The following CSMD3 variants were observed in gnomAD, a reference collection of about 807,000 sequenced individuals.
The protein encoded by CSMD3 is CUB and sushi domain-containing protein 3.
Under a neutral mutation model 435.2 loss-of-function variants are expected in CSMD3, and 177 were observed. The observed-to-expected ratio is 0.41, with a 90% CI of 0.36 to 0.46. CSMD3 has a LOEUF of 0.46. Among genes scored for constraint, CSMD3 ranks in the 20% least tolerant of loss-of-function variants. The probability of loss-of-function intolerance (pLI) is 0.34; values close to 1 mark genes in which losing one functional copy is unlikely to be tolerated. For synonymous variants in CSMD3, 1,656 were observed against 1,520.5 expected (o/e 1.09, Z -2.07); for missense variants, 4,265 against 4,504.6 (o/e 0.95, Z 1.52).
chr8:112,746,780 T>G (rs1220294957), intron 13 of CSMD3, among the ~76,000 whole-genome samples: 18 of 152,170 alleles, frequency 1.2e-4, no homozygotes, highest in Non-Finnish European at 4.4e-5. Flanking sequence ...AGCATTTGTA[T>G]CTGACAATAT....
rs569098411 is a variant in CSMD3 at position 112,533,875 on chromosome 8, A to C, written c.4565-16650T>G. 1.4e-3 allele frequency among the ~76,000 whole-genome samples: 215 copies of C among 152,236 alleles called. 1 individual carries two copies. The highest frequency in any genetic ancestry group is 5.1e-3 in the African/African-American group (210 of 41,564). On this transcript the variant is annotated intron_variant, in intron 27 of 70. Coordinates refer to ENST00000297405, the MANE Select transcript of CSMD3 (RefSeq NM_198123.2). ...GAGATAGAGCATAGGTTATGCCACA[A>C]AACAAGTCTTGACAAATTCCACAAT...
chr8:113,175,885 T>C (rs1372219350), intron 3 of CSMD3, among the ~76,000 whole-genome samples: 3 of 152,020 alleles, frequency 2.0e-5, no homozygotes, highest in African/African-American at 7.2e-5. Context: ...AGAAAAGTGG[T>C]TTCCAAATTA....
At chr8:112,904,393 T>C (rs575711958) in intron 10 of CSMD3, among the ~76,000 whole-genome samples, 3 of 151,560 alleles carry the variant, frequency 2.0e-5, no homozygotes, top group South Asian at 4.1e-4. Flanking sequence ...GACAAATACA[T>C]ACAATTTTGT....
intron 1 of CSMD3, among the ~76,000 whole-genome samples, chr8:113,372,621 C>G (rs1247572386): frequency 6.6e-6 from 1 of 152,090 alleles, no homozygotes; most frequent in South Asian, 2.1e-4. Context: ...TTATTTTATA[C>G]CATTCCAAAA....
At chr8:113,302,600 T>A (rs1192844535) in intron 2 of CSMD3, among the ~76,000 whole-genome samples, 1 of 151,966 alleles carries the variant, frequency 6.6e-6, no homozygotes, top group Admixed American at 6.6e-5. Flanking sequence ...AACATTAATA[T>A]GCTTTCTGTA....
At position 112,289,362 on chromosome 8, in the gene CSMD3, T is replaced by C. The variant is rs561006640; in HGVS notation, c.9148+3A>G. 4 of 1,612,308 alleles carry C rather than the reference T, an allele frequency of 2.5e-6. No homozygotes were observed. The highest frequency in any genetic ancestry group is 2.2e-5 in the South Asian group (2 of 91,044). On this transcript the variant is annotated splice_donor_region_variant and intron_variant, in intron 57 of 70. Coordinates refer to ENST00000297405, the MANE Select transcript of CSMD3 (RefSeq NM_198123.2). ...ACATATTGTCCAATTTTCCAAGTGG[T>C]ACCTGAACAATGAGGTTGTGATCCA...
At chr8:112,973,945 T>C (rs1204648739) in intron 7 of CSMD3, among the ~76,000 whole-genome samples, 2 of 151,904 alleles carry the variant, frequency 1.3e-5, no homozygotes, top group Non-Finnish European at 2.9e-5. Context: ...ATGTTTTACA[T>C]CTACTTTGAA....
chr8:112,840,083 G>A (rs972415110), intron 11 of CSMD3, among the ~76,000 whole-genome samples: 4 of 151,644 alleles, frequency 2.6e-5, no homozygotes, highest in Non-Finnish European at 5.9e-5. Flanking sequence ...TCCTGGACAA[G>A]CAACTTAGGC....
intron 3 of CSMD3, among the ~76,000 whole-genome samples, chr8:113,261,689 C>T (rs2093428812): frequency 1.3e-5 from 2 of 152,158 alleles, no homozygotes; most frequent in South Asian, 4.1e-4. Context: ...TTCTTCAGTG[C>T]AAACACATTT....
At chr8:113,229,603 T>C (rs1032159153) in intron 3 of CSMD3, among the ~76,000 whole-genome samples, 14 of 151,684 alleles carry the variant, frequency 9.2e-5, no homozygotes, top group African/African-American at 3.4e-4. Flanking sequence ...GCTCACAGTT[T>C]ATAAAATCGT....
intron 22 of CSMD3, among the ~76,000 whole-genome samples, chr8:112,607,878 C>T (rs564505553): frequency 1.3e-5 from 2 of 152,030 alleles, no homozygotes; most frequent in African/African-American, 4.8e-5. Context: ...AAAAGCTTGC[C>T]CAACAAGATT....
intron 5 of CSMD3, among the ~76,000 whole-genome samples, chr8:113,035,598 CATA>C (rs1263146344): frequency 2.6e-5 from 4 of 151,782 alleles, no homozygotes; most frequent in Non-Finnish European, 5.9e-5. Context: ...TGTCAAAATA[CATA>C]ATGTTTTATG....
intron 22 of CSMD3, among the ~76,000 whole-genome samples, chr8:112,590,152 T>C (rs1831060803): frequency 6.6e-6 from 1 of 152,094 alleles, no homozygotes; most frequent in Non-Finnish European, 1.5e-5. Flanking sequence ...ATTCCATAGA[T>C]AATTATGAAA....
chr8:113,121,925 T>C (rs1402271421), intron 4 of CSMD3, among the ~76,000 whole-genome samples: 1 of 152,144 alleles, frequency 6.6e-6, no homozygotes, highest in Non-Finnish European at 1.5e-5. Context: ...ATTTTGTTGT[T>C]ACTATTAAAA....
chr8:112,959,783 G>A (rs1268888810), intron 7 of CSMD3, among the ~76,000 whole-genome samples: 1 of 151,722 alleles, frequency 6.6e-6, no homozygotes, highest in African/African-American at 2.4e-5. Context: ...TGAGAAAGTG[G>A]CACATATCAC....
chr8:112,594,041 C>G (rs372594863), intron 22 of CSMD3, among the ~76,000 whole-genome samples: 1 of 151,980 alleles, frequency 6.6e-6, no homozygotes, highest in Non-Finnish European at 1.5e-5. Context: ...GGAACAGCTC[C>G]GGTCTACAGC....
At chr8:112,412,173 A>T (rs904579855) in intron 32 of CSMD3, among the ~76,000 whole-genome samples, 1 of 152,124 alleles carries the variant, frequency 6.6e-6, no homozygotes, top group African/African-American at 2.4e-5. Context: ...GGAGTTAAAT[A>T]AAATTTTTGA....
At chr8:112,397,259 C>T (rs984831585) in intron 35 of CSMD3, among the ~76,000 whole-genome samples, 1 of 152,190 alleles carries the variant, frequency 6.6e-6, no homozygotes, top group Non-Finnish European at 1.5e-5. Flanking sequence ...TTCTGAATGT[C>T]ATTTAGAATC....
At chr8:113,286,880 G>C (rs1026636888) in intron 2 of CSMD3, among the ~76,000 whole-genome samples, 2 of 151,834 alleles carry the variant, frequency 1.3e-5, no homozygotes, top group African/African-American at 4.8e-5. Context: ...AGAGGTAAGA[G>C]AGAAAGGGAG....
Sources: gnomAD v4.1 joint callset for allele counts (sites outside exome capture counted in the v4.1 genomes callset) on GRCh38, gnomAD v4.1.1 for gene constraint, MANE v1.5 for transcripts, NCBI Gene and HGNC (gene_info 2026-07-23, HGNC 2026-07-21) for gene names.